Variants in HSD17B8 observed in about 807,000 individuals in gnomAD.
HSD17B8 encodes the protein hydroxysteroid 17-beta dehydrogenase 8.
HSD17B8 carries 23 observed loss-of-function variants against 33.2 expected under a neutral mutation model. The ratio of observed to expected loss-of-function variants is 0.69; its 90% CI spans 0.50 to 0.98. The LOEUF is 0.98. Among genes scored for constraint, HSD17B8 ranks in the 50% least tolerant of loss-of-function variants. The probability of loss-of-function intolerance (pLI) is 0.00; values close to 1 mark genes in which losing one functional copy is unlikely to be tolerated. For synonymous variants in HSD17B8, 137 were observed against 138.6 expected (o/e 0.99, Z 0.08); for missense variants, 345 against 347.5 (o/e 0.99, Z 0.06).
chr6:33,206,724 T>G lies in HSD17B8; in HGVS notation c.*70T>G. On this transcript the variant is annotated 3_prime_UTR_variant, in exon 9 of 9. Transcript: ENST00000374662. This position sits in a 1 kb window ranked among gnomAD's most constrained non-coding sequence, Gnocchi z 6.2. ...CCTGGCCTCCTGCTGATGAGGACTC[T>G]AAGTTCCCAGGATACAAAAGGGGTG... The G allele has an allele frequency of 6.7e-7, 1 of 1,489,906 alleles. No homozygotes were observed. Among genetic ancestry groups the G allele is most frequent in the South Asian group, 1.1e-5 (1 of 88,636 alleles). 92.3% of individuals were successfully genotyped at this position (1,489,906 alleles called of 1,614,324 possible).
Position 33,205,361 on chromosome 6 carries a change from G to C in HSD17B8, c.387+24G>C, listed in dbSNP as rs137920002. ...AGGTGGCGATCTCTGAACCTGCGAC[G>C]TTTGGCCCCCTTAGCCTGGGGAGGG... On this transcript the variant is annotated intron_variant, in intron 3 of 8. Coordinates refer to ENST00000374662, the MANE Select transcript of HSD17B8 (RefSeq NM_014234.5). This position sits in a 1 kb window ranked among gnomAD's most constrained non-coding sequence, Gnocchi z 5.0. The C allele has an allele frequency of 6.0e-3, 9,583 of 1,607,778 alleles. 60 individuals are homozygous for C. The highest frequency in any genetic ancestry group is 7.8e-3 in the East Asian group (351 of 44,864).
At position 33,205,407 on chromosome 6, in the gene HSD17B8, C is replaced by T. The variant is rs550548519; in HGVS notation, c.388-40C>T. On this transcript the variant is annotated intron_variant, in intron 3 of 8. Transcript: ENST00000374662. The surrounding 1 kb of genome is among the most constrained non-coding windows in gnomAD (Gnocchi z 5.0). ...GAGGGAGTTGGAGGAGGGCTGTCAC[C>T]CCAGCTGATCTTTTCTCCCTTGTTA... is the stretch of plus-strand genomic sequence containing the variant. 2.1e-5 allele frequency: 34 copies of T among 1,608,008 alleles called. No homozygotes were observed. Among genetic ancestry groups the T allele is most frequent in the Non-Finnish European group, 2.6e-5 (31 of 1,175,414 alleles).
In HSD17B8 at chr6:33,205,127, C is replaced by A. The variant is rs1774938687; in HGVS notation, c.270+8C>A. ...CTGCTGGAACAAGTGCAGGTGAACG[C>A]TAGGCCACTTTCCCCCTCTAAAGCT... On this transcript the variant is annotated splice_region_variant and intron_variant, in intron 2 of 8. Transcript: ENST00000374662. The surrounding 1 kb of genome is among the most constrained non-coding windows in gnomAD (Gnocchi z 5.0). 6.3e-7 allele frequency: 1 copy of A among 1,577,790 alleles called. No homozygotes were observed. Among genetic ancestry groups the A allele is most frequent in the Non-Finnish European group, 8.6e-7 (1 of 1,160,484 alleles).
chr6:33,206,775 A>G lies in HSD17B8; in HGVS notation c.*121A>G. On this transcript the variant is annotated 3_prime_UTR_variant, in exon 9 of 9. Transcript: ENST00000374662. The surrounding 1 kb of genome is among the most constrained non-coding windows in gnomAD (Gnocchi z 6.2). ...GCAGTGTATGGTTCAGGAATGCTGA[A>G]TATGGGAAGCAGGGGTGCTTGTGAC... The G allele has an allele frequency of 9.4e-7, 1 of 1,064,906 alleles. No individual in the cohort carries two copies. The highest frequency in any genetic ancestry group is 1.5e-6 in the Non-Finnish European group (1 of 686,868). 66.0% of individuals were successfully genotyped at this position (1,064,906 alleles called of 1,614,324 possible). A position where few individuals can be genotyped will look rare whatever the true frequency, so the allele number is the denominator to read the frequency against.
In HSD17B8 at chr6:33,205,406, C is replaced by A; in HGVS notation, c.388-41C>A. ...GGAGGGAGTTGGAGGAGGGCTGTCACCCCAGCTGATCTTTTCTCCCTTGTT... is the reference window on the plus strand; with the variant it reads ...GGAGGGAGTTGGAGGAGGGCTGTCAACCCAGCTGATCTTTTCTCCCTTGTT... On this transcript the variant is annotated intron_variant, in intron 3 of 8. Transcript: ENST00000374662. This position sits in a 1 kb window ranked among gnomAD's most constrained non-coding sequence, Gnocchi z 5.0. The A allele has an allele frequency of 1.2e-6, 2 of 1,607,838 alleles. No homozygotes were observed. Among genetic ancestry groups the A allele is most frequent in the Non-Finnish European group, 1.7e-6 (2 of 1,175,156 alleles).
chr6:33,205,286 G>T lies in HSD17B8; in HGVS notation c.336G>T (p.Leu112=). Residue 112 remains leucine, a synonymous_variant, in exon 3 of 9, where the codon CTG becomes CTT. Transcript: ENST00000374662. The surrounding 1 kb of genome is among the most constrained non-coding windows in gnomAD (Gnocchi z 5.0). ...SCAGITQDEF[L]LHMSEDDWDK... is the part of the protein sequence containing the mutation. ...CGGGCATCACCCAGGATGAGTTTCTGCTGCACATGTCTGAGGATGACTGGG... is the reference window on the plus strand; with the variant it reads ...CGGGCATCACCCAGGATGAGTTTCTTCTGCACATGTCTGAGGATGACTGGG... 1 of 1,613,424 alleles carries T rather than the reference G, an allele frequency of 6.2e-7. No individual in the cohort carries two copies.
chr6:33,206,050 A>C lies in HSD17B8; in HGVS notation c.652-84A>C. 1 of 1,497,426 alleles carries C rather than the reference A, an allele frequency of 6.7e-7. No individual in the cohort carries two copies. Among genetic ancestry groups the C allele is most frequent in the Non-Finnish European group, 9.2e-7 (1 of 1,082,566 alleles). The allele number at this position is 1,497,426 out of a possible 1,614,324, so 92.8% of individuals were successfully genotyped here. A position where few individuals can be genotyped will look rare whatever the true frequency, so the allele number is the denominator to read the frequency against. ...TTAAATATTCAATGAATGTATGAGA[A>C]ATGAAGACAAAAAAGGGTCACAGAC... On this transcript the variant is annotated intron_variant, in intron 6 of 8. Coordinates refer to ENST00000374662, the MANE Select transcript of HSD17B8 (RefSeq NM_014234.5). The surrounding 1 kb of genome is among the most constrained non-coding windows in gnomAD (Gnocchi z 6.2).
chr6:33,206,641 G>C lies in HSD17B8; in HGVS notation c.773G>C (p.Gly258Ala). The C allele has an allele frequency of 1.2e-6, 2 of 1,613,974 alleles. No homozygotes were observed. Among genetic ancestry groups the C allele is most frequent in the Non-Finnish European group, 1.7e-6 (2 of 1,179,938 alleles). The change falls in exon 9 of 9, where the codon GGT becomes GCT. Residue 258 changes from glycine to alanine, a missense_variant. Coordinates refer to ENST00000374662, the MANE Select transcript of HSD17B8 (RefSeq NM_014234.5). The surrounding 1 kb of genome is among the most constrained non-coding windows in gnomAD (Gnocchi z 6.2). ...CAAATGTTTCTGCCCCTCCCAGGAG[G>C]TCTTTTCATGTAACTGCCTCAAGGA... The part of the protein sequence containing the change: ...ITGTSVEVTG[G>A]LFM
rs1300209633 is a variant in HSD17B8, at chr6:33,204,731, T to C, written c.52+11T>C. The C allele has an allele frequency of 6.2e-7, 1 of 1,610,324 alleles. No individual in the cohort carries two copies. The highest frequency in any genetic ancestry group is 8.5e-7 in the Non-Finnish European group (1 of 1,178,672). On this transcript the variant is annotated intron_variant, in intron 1 of 8. Coordinates refer to ENST00000374662, the MANE Select transcript of HSD17B8 (RefSeq NM_014234.5). ...TGGCCTTGGTCACAGGTTGAGGGGG[T>C]TCTTTCCCCGGGCGGTTTGGGGTAT...
In HSD17B8 at chr6:33,206,698, GC is replaced by G; in HGVS notation, c.*46del. On this transcript the variant is annotated 3_prime_UTR_variant, in exon 9 of 9. Coordinates refer to ENST00000374662, the MANE Select transcript of HSD17B8 (RefSeq NM_014234.5). The surrounding 1 kb of genome is among the most constrained non-coding windows in gnomAD (Gnocchi z 6.2). Reference sequence around the variant, plus strand: ...ACTCTGCTCACCCCCCCACCACTCTGCCTGGCCTCCTGCTGATGAGGACTCT... The same window carrying G: ...ACTCTGCTCACCCCCCCACCACTCTGCTGGCCTCCTGCTGATGAGGACTCT... 1 of 1,604,082 alleles carries G rather than the reference GC, an allele frequency of 6.2e-7. No individual in the cohort carries two copies.
In HSD17B8 at chr6:33,205,348, C is replaced by T; in HGVS notation, c.387+11C>T. 6.2e-7 allele frequency: 1 copy of T among 1,611,060 alleles called. No individual in the cohort carries two copies. Among genetic ancestry groups the T allele is most frequent in the Non-Finnish European group, 8.5e-7 (1 of 1,177,794 alleles). ...GCTGTCAACCTCAAGGTGGCGATCT[C>T]TGAACCTGCGACGTTTGGCCCCCTT... is the stretch of plus-strand genomic sequence containing the variant. On this transcript the variant is annotated intron_variant, in intron 3 of 8. Coordinates refer to ENST00000374662, the MANE Select transcript of HSD17B8 (RefSeq NM_014234.5). The surrounding 1 kb of genome is among the most constrained non-coding windows in gnomAD (Gnocchi z 5.0).
rs1227854225 is a variant in HSD17B8, at chr6:33,205,186, G to T, written c.271-35G>T. The T allele has an allele frequency of 7.5e-6, 12 of 1,609,888 alleles. No homozygotes were observed. Among genetic ancestry groups the T allele is most frequent in the East Asian group, 6.7e-5 (3 of 44,844 alleles). On this transcript the variant is annotated intron_variant, in intron 2 of 8. Coordinates refer to ENST00000374662, the MANE Select transcript of HSD17B8 (RefSeq NM_014234.5). The surrounding 1 kb of genome is among the most constrained non-coding windows in gnomAD (Gnocchi z 5.0). Reference sequence around the variant, plus strand: ...GCCTCCACTGCCCCGGCTTTTTGTGGGGGGTTTTTGATGCGTAACCTCCCC... The same window carrying T: ...GCCTCCACTGCCCCGGCTTTTTGTGTGGGGTTTTTGATGCGTAACCTCCCC...
Position 33,205,320 on chromosome 6 carries a change from A to G in HSD17B8, c.370A>G (p.Ile124Val), listed in dbSNP as rs758783369. 6.2e-7 allele frequency: 1 copy of G among 1,613,294 alleles called. No homozygotes were observed. Among genetic ancestry groups the G allele is most frequent in the Admixed American group, 1.7e-5 (1 of 60,018 alleles). The change falls in exon 3 of 9, where the codon ATA becomes GTA. Residue 124 changes from isoleucine to valine, a missense_variant. Transcript: ENST00000374662. The surrounding 1 kb of genome is among the most constrained non-coding windows in gnomAD (Gnocchi z 5.0). ...HMSEDDWDKV[I>V]AVNLKGTFLV... ...GTCTGAGGATGACTGGGACAAAGTC[A>G]TAGCTGTCAACCTCAAGGTGGCGAT...
In HSD17B8 at chr6:33,205,002, G is replaced by T; in HGVS notation, c.153G>T (p.Thr51=). 1.3e-6 allele frequency: 2 copies of T among 1,501,458 alleles called. No homozygotes were observed. The highest frequency in any genetic ancestry group is 1.4e-5 in the South Asian group (1 of 73,588). The allele number at this position is 1,501,458 out of a possible 1,614,324, so 93.0% of individuals were successfully genotyped here. A position where few individuals can be genotyped will look rare whatever the true frequency, so the allele number is the denominator to read the frequency against. ...TGGACCGGGCAGCGGCACAGGAGAC[G>T]GTGCGGCTGCTGGGCGGGCCAGGGA... ...CDLDRAAAQE[T]VRLLGGPGSK... is the part of the protein sequence containing the mutation. Residue 51 remains threonine, a synonymous_variant, in exon 2 of 9, where the codon ACG becomes ACT. Coordinates refer to ENST00000374662, the MANE Select transcript of HSD17B8 (RefSeq NM_014234.5). This position sits in a 1 kb window ranked among gnomAD's most constrained non-coding sequence, Gnocchi z 5.0.
Position 33,205,515 on chromosome 6 carries a change from C to T in HSD17B8, c.456C>T (p.Ile152=). Residue 152 remains isoleucine, a synonymous_variant, in exon 4 of 9, where the codon ATC becomes ATT. Coordinates refer to ENST00000374662, the MANE Select transcript of HSD17B8 (RefSeq NM_014234.5). The surrounding 1 kb of genome is among the most constrained non-coding windows in gnomAD (Gnocchi z 5.0). ...CCAATGGTTGTCGTGGTTCCATCAT[C>T]AACATCAGTAGCATCGTAGGAAAGG... ...LVSNGCRGSI[I]NISSIVGKVG... is the part of the protein sequence containing the mutation. 6.2e-7 allele frequency: 1 copy of T among 1,613,054 alleles called. No individual in the cohort carries two copies. The highest frequency in any genetic ancestry group is 8.5e-7 in the Non-Finnish European group (1 of 1,179,982).
chr6:33,206,331 A>T lies in HSD17B8; in HGVS notation c.695-44A>T, dbSNP rs1238398090. The T allele has an allele frequency of 1.3e-6, 2 of 1,596,352 alleles. No homozygotes were observed. Among genetic ancestry groups the T allele is most frequent in the African/African-American group, 1.3e-5 (1 of 74,564 alleles). ...GGGAGATTATGGCTGTTTTGGGTCT[A>T]TGGGAGTGAGCAGAATTCTGCCCTC... On this transcript the variant is annotated intron_variant, in intron 7 of 8. Transcript: ENST00000374662. This position sits in a 1 kb window ranked among gnomAD's most constrained non-coding sequence, Gnocchi z 6.2.
At position 33,205,660 on chromosome 6, in the gene HSD17B8, A is replaced by T. The variant is rs773100305; in HGVS notation, c.501A>T (p.Thr167=). ...IVGKVGNVGQ[T]NYAASKAGVI... ...TATAGGTGGGGAACGTGGGGCAGAC[A>T]AACTATGCAGCATCCAAGGCTGGAG... The change falls in exon 5 of 9, where the codon ACA becomes ACT. Residue 167 remains threonine (T), a synonymous_variant. Coordinates refer to ENST00000374662, the MANE Select transcript of HSD17B8 (RefSeq NM_014234.5). This position sits in a 1 kb window ranked among gnomAD's most constrained non-coding sequence, Gnocchi z 5.0. 2.7e-5 allele frequency: 44 copies of T among 1,612,954 alleles called. No individual in the cohort carries two copies. The highest frequency in any genetic ancestry group is 3.5e-5 in the Non-Finnish European group (41 of 1,180,024).
At position 33,205,642 on chromosome 6, in the gene HSD17B8, G is replaced by T; in HGVS notation, c.483G>T (p.Val161=). 4 of 1,613,070 alleles carry T rather than the reference G, an allele frequency of 2.5e-6. No individual in the cohort carries two copies. The highest frequency in any genetic ancestry group is 3.4e-6 in the Non-Finnish European group (4 of 1,180,008). ...CCACATCTCTGACTCACCTATAGGT[G>T]GGGAACGTGGGGCAGACAAACTATG... is the stretch of plus-strand genomic sequence containing the variant. ...IINISSIVGK[V]GNVGQTNYAA... The change falls in exon 5 of 9, where the codon GTG becomes GTT. Residue 161 remains valine (V), a splice_region_variant and synonymous_variant. Transcript: ENST00000374662. This position sits in a 1 kb window ranked among gnomAD's most constrained non-coding sequence, Gnocchi z 5.0.
rs1203599816 is a variant in HSD17B8, at chr6:33,205,021, C to T, written c.172C>T (p.Pro58Ser). ...AQETVRLLGG[P>S]GSKEGPPRGN... Reference sequence around the variant, plus strand: ...GGAGACGGTGCGGCTGCTGGGCGGGCCAGGGAGCAAGGAGGGGCCGCCCCG... The same window carrying T: ...GGAGACGGTGCGGCTGCTGGGCGGGTCAGGGAGCAAGGAGGGGCCGCCCCG... The change falls in exon 2 of 9, where the codon CCA becomes TCA. Residue 58 changes from proline to serine, a missense_variant. Transcript: ENST00000374662. The surrounding 1 kb of genome is among the most constrained non-coding windows in gnomAD (Gnocchi z 5.0). The T allele has an allele frequency of 6.5e-7, 1 of 1,527,542 alleles. No individual in the cohort carries two copies. Among genetic ancestry groups the T allele is most frequent in the Non-Finnish European group, 8.8e-7 (1 of 1,142,836 alleles). 94.6% of individuals were successfully genotyped at this position (1,527,542 alleles called of 1,614,324 possible). A position where few individuals can be genotyped will look rare whatever the true frequency, so the allele number is the denominator to read the frequency against.
Sources: allele counts gnomAD v4.1 joint callset, GRCh38; gene constraint gnomAD v4.1.1; non-coding constraint Gnocchi (gnomAD v3.1); transcripts MANE v1.5; gene names NCBI Gene and HGNC (gene_info 2026-07-23, HGNC 2026-07-21).